FRMD4A: variants seen among roughly 807,000 people sequenced by gnomAD.
FRMD4A encodes the protein FERM domain containing 4A, also known as FERM domain-containing protein 4A.
In FRMD4A, 29 loss-of-function variants were observed where a neutral mutation model predicts 129.1. That is an observed-to-expected ratio of 0.22 (90% CI 0.17 to 0.31). The LOEUF is 0.31. FRMD4A is among the 10% of genes least tolerant of loss of function. The probability of loss-of-function intolerance (pLI) is 1.00; values close to 1 mark genes in which losing one functional copy is unlikely to be tolerated. For synonymous variants in FRMD4A, 634 were observed against 571.6 expected, an observed-to-expected ratio of 1.11 and a Z score of -1.56; for missense variants, 1,272 against 1,375.8, an observed-to-expected ratio of 0.92 and a Z score of 1.19.
intron 2 of FRMD4A, among the ~76,000 whole-genome samples, chr10:14,032,488 A>C (rs1833292171): frequency 6.6e-6 from 1 of 152,212 alleles, no homozygotes; most frequent in Non-Finnish European, 1.5e-5. Flanking sequence ...TCACCCCTTG[A>C]CTTGCAGGAG....
intron 12 of FRMD4A, among the ~76,000 whole-genome samples, chr10:13,732,381 C>A (rs1259517034): frequency 1.3e-5 from 2 of 152,102 alleles, no homozygotes; most frequent in Non-Finnish European, 2.9e-5. Context: ...ATTCTCAAGG[C>A]GGCTGCTGAG....
chr10:14,046,187 T>C (rs1363349904), intron 2 of FRMD4A, among the ~76,000 whole-genome samples: 1 of 152,144 alleles, frequency 6.6e-6, no homozygotes, highest in Admixed American at 6.6e-5. Flanking sequence ...TATTCTATCA[T>C]GCTCACAAAT....
chr10:13,751,637 A>G lies in FRMD4A; in HGVS notation c.465-3818T>C, dbSNP rs1467863108. Among the ~76,000 whole-genome samples, 5 of 152,340 alleles carry G rather than the reference A, an allele frequency of 3.3e-5. No individual in the cohort carries two copies. In the South Asian group the frequency reaches 1.0e-3, roughly 32 times the overall value. On this transcript the variant is annotated intron_variant, in intron 8 of 24. Coordinates refer to ENST00000357447, the MANE Select transcript of FRMD4A (RefSeq NM_018027.5). ...TGTCTTCCACTTCGACATTTTCCCC[A>G]GAGTTCATGACATATGATAAATGCC...
At chr10:14,146,694 T>C (rs1840091950) in intron 2 of FRMD4A, among the ~76,000 whole-genome samples, 1 of 152,190 alleles carries the variant, frequency 6.6e-6, no homozygotes, top group African/African-American at 2.4e-5. Context: ...TTCCATGGAA[T>C]CTAGTTCTCA....
chr10:14,226,615 T>C (rs1843445171), intron 2 of FRMD4A, among the ~76,000 whole-genome samples: 1 of 152,148 alleles, frequency 6.6e-6, no homozygotes, highest in African/African-American at 2.4e-5. Context: ...CATCTTCCCA[T>C]GGTCCATGTC....
chr10:13,688,935 C>G (rs577621457), intron 15 of FRMD4A, among the ~76,000 whole-genome samples: 1 of 151,978 alleles, frequency 6.6e-6, no homozygotes, highest in Non-Finnish European at 1.5e-5. Flanking sequence ...CCAGGCTAGT[C>G]TCGAACTCCT....
chr10:14,309,441 C>G (rs76302617), intron 2 of FRMD4A, among the ~76,000 whole-genome samples: 14 of 151,988 alleles, frequency 9.2e-5, no homozygotes, highest in Admixed American at 7.9e-4. Flanking sequence ...CAGAGGGAGA[C>G]CTTGTCACAA....
intron 15 of FRMD4A, chr10:13,675,898 A>G (rs1421682603): frequency 6.6e-6 from 1 of 152,114 alleles, no homozygotes; most frequent in Non-Finnish European, 1.5e-5. Context: ...TATATTTAAA[A>G]AATAAAATTA....
intron 2 of FRMD4A, among the ~76,000 whole-genome samples, chr10:14,183,619 T>C (rs995802140): frequency 5.3e-5 from 8 of 152,152 alleles, no homozygotes; most frequent in African/African-American, 1.9e-4. Context: ...ATTCAATTTC[T>C]CACTGTGTCA....
At chr10:14,210,529 G>T (rs1364631165) in intron 2 of FRMD4A, among the ~76,000 whole-genome samples, 1 of 152,096 alleles carries the variant, frequency 6.6e-6, no homozygotes, top group Non-Finnish European at 1.5e-5. Flanking sequence ...TCTTATATTT[G>T]CTCAAACTCA....
At chr10:14,075,730 AGTGT>A (rs1056625332) in intron 2 of FRMD4A, among the ~76,000 whole-genome samples, 1 of 138,452 alleles carries the variant, frequency 7.2e-6, no homozygotes, top group Non-Finnish European at 1.5e-5. Context: ...GTATACATAT[AGTGT>A]GTGTGTATAT....
At chr10:13,827,081 C>A (rs1420614377) in intron 3 of FRMD4A, among the ~76,000 whole-genome samples, 1 of 152,174 alleles carries the variant, frequency 6.6e-6, no homozygotes, top group Non-Finnish European at 1.5e-5. Flanking sequence ...TTAAGTAAGA[C>A]AAAGTCCATT....
intron 2 of FRMD4A, among the ~76,000 whole-genome samples, chr10:14,227,591 A>G (rs1186802001): frequency 6.6e-6 from 1 of 151,890 alleles, no homozygotes; most frequent in Non-Finnish European, 1.5e-5. Flanking sequence ...CTATGCTCTC[A>G]GCTTGAGCGT....
chr10:13,777,791 ATTTTT>A lies in FRMD4A; in HGVS notation c.384+5126_384+5130del, dbSNP rs34059772. On this transcript the variant is annotated intron_variant, in intron 6 of 24. Transcript: ENST00000357447. Reference sequence around the variant, plus strand: ...GTCTGCCCAAGTAGGCTTTGGGTCAATTTTTTTTTTTTTTTTTTTTTTTTTGAGAC... The same window carrying A: ...GTCTGCCCAAGTAGGCTTTGGGTCAATTTTTTTTTTTTTTTTTTTTGAGAC... Among the ~76,000 whole-genome samples the A allele has an allele frequency of 1.2e-4, 10 of 85,984 alleles. No individual in the cohort carries two copies. The South Asian group carries it at 4.9e-3, about 43-fold the overall frequency. 56.4% of individuals were successfully genotyped at this position (85,984 alleles called of 152,430 possible).
At chr10:13,896,447 C>G (rs1454664957) in intron 2 of FRMD4A, among the ~76,000 whole-genome samples, 1 of 152,062 alleles carries the variant, frequency 6.6e-6, no homozygotes, top group African/African-American at 2.4e-5. Context: ...CATGTTCTCA[C>G]TCATAAGTGG....
intron 2 of FRMD4A, among the ~76,000 whole-genome samples, chr10:14,305,255 A>G (rs1846311455): frequency 1.3e-5 from 2 of 152,214 alleles, no homozygotes; most frequent in African/African-American, 4.8e-5. Context: ...TTCATTATTC[A>G]CATTTCCCCA....
At chr10:14,260,953 G>T (rs769087375) in intron 2 of FRMD4A, among the ~76,000 whole-genome samples, 18 of 152,302 alleles carry the variant, frequency 1.2e-4, no homozygotes, top group Non-Finnish European at 2.2e-4. Context: ...ACCTCCATGG[G>T]TCTTAGTTTT....
chr10:14,164,415 C>T (rs995655175), intron 2 of FRMD4A, among the ~76,000 whole-genome samples: 2 of 152,180 alleles, frequency 1.3e-5, no homozygotes, highest in Non-Finnish European at 2.9e-5. Flanking sequence ...CCCAGGCAAC[C>T]CGGAAGCTGG....
intron 2 of FRMD4A, among the ~76,000 whole-genome samples, chr10:13,898,924 T>G (rs2094788652): frequency 6.6e-6 from 1 of 152,182 alleles, no homozygotes; most frequent in African/African-American, 2.4e-5. Flanking sequence ...GGCTCACACC[T>G]GTAATTCCAG....
Sources: allele counts gnomAD v4.1 joint callset (sites outside exome capture counted in the v4.1 genomes callset), GRCh38; gene constraint gnomAD v4.1.1; transcripts MANE v1.5; gene names NCBI Gene and HGNC (gene_info 2026-07-23, HGNC 2026-07-21).